GUCY1A2: variants seen among roughly 807,000 people sequenced by gnomAD.
GUCY1A2 encodes the protein guanylate cyclase 1 soluble subunit alpha 2.
Under a neutral mutation model 63.5 loss-of-function variants are expected in GUCY1A2, and 27 were observed. The observed-to-expected ratio is 0.43, with a 90% CI of 0.31 to 0.59. GUCY1A2 has a LOEUF of 0.59. Ranked by LOEUF, GUCY1A2 falls within the 20% of genes least tolerant of loss-of-function variation. GUCY1A2 has a pLI of 0.11. For synonymous variants in GUCY1A2, 364 were observed against 343.5 expected (o/e 1.06, Z -0.66); for missense variants, 768 against 913.3 (o/e 0.84, Z 2.05).
chr11:106,911,930 A>G (rs931285223), intron 4 of GUCY1A2, among the ~76,000 whole-genome samples: 8 of 152,042 alleles, frequency 5.3e-5, no homozygotes, highest in Non-Finnish European at 1.0e-4. Context: ...AATCACTTGC[A>G]TCCAATTGTT....
intron 5 of GUCY1A2, among the ~76,000 whole-genome samples, chr11:106,793,743 T>C (rs760695213): frequency 1.1e-4 from 16 of 152,046 alleles, no homozygotes; most frequent in Non-Finnish European, 2.2e-4. Flanking sequence ...CCAAGAGGTA[T>C]ATGAAACAGC....
chr11:106,984,723 G>A (rs976530160), intron 2 of GUCY1A2, among the ~76,000 whole-genome samples: 2 of 152,168 alleles, frequency 1.3e-5, no homozygotes, highest in Admixed American at 1.3e-4. Context: ...ACTATTTTAA[G>A]TATACTAACT....
intron 2 of GUCY1A2, among the ~76,000 whole-genome samples, chr11:106,982,805 T>C (rs1240779936): frequency 2.0e-5 from 3 of 151,300 alleles, no homozygotes; most frequent in Admixed American, 6.6e-5. Flanking sequence ...AAAAGGAAAG[T>C]GGAAAGGGAT....
intron 6 of GUCY1A2, among the ~76,000 whole-genome samples, chr11:106,714,086 T>C (rs1420623481): frequency 6.6e-6 from 1 of 152,082 alleles, no homozygotes; most frequent in Non-Finnish European, 1.5e-5. Context: ...CTAGTTCTAT[T>C]TCTGCCTCCT....
chr11:106,839,394 C>T (rs993815078), intron 4 of GUCY1A2, among the ~76,000 whole-genome samples: 1 of 151,844 alleles, frequency 6.6e-6, no homozygotes, highest in African/African-American at 2.4e-5. Flanking sequence ...AATAGGAACA[C>T]TTTTACACTG....
intron 3 of GUCY1A2, among the ~76,000 whole-genome samples, chr11:106,949,665 C>T (rs1460555478): frequency 6.6e-6 from 1 of 152,048 alleles, no homozygotes. Flanking sequence ...GTGTCCAATC[C>T]CTCAACCAGA....
intron 4 of GUCY1A2, among the ~76,000 whole-genome samples, chr11:106,872,472 G>C (rs1389859454): frequency 6.6e-6 from 1 of 152,092 alleles, no homozygotes; most frequent in Non-Finnish European, 1.5e-5. Context: ...TAAATAGTTT[G>C]AATGACTGGA....
intron 3 of GUCY1A2, among the ~76,000 whole-genome samples, chr11:106,967,219 G>A (rs189856793): frequency 1.7e-4 from 26 of 152,264 alleles, no homozygotes; most frequent in Non-Finnish European, 3.1e-4. Flanking sequence ...ATCCTAAAAT[G>A]ACTCTGCTTT....
rs558514622 is a variant in GUCY1A2, at chr11:106,907,279, T to C, written c.1206+32181A>G. On this transcript the variant is annotated intron_variant, in intron 4 of 7. Transcript: ENST00000526355. ...TGCCATAGTTGTGCCTGAATCCTTT[T>C]TTTGCTTACTCCCAAATACATTCAT... is the stretch of plus-strand genomic sequence containing the variant. 1.1e-4 allele frequency among the ~76,000 whole-genome samples: 17 copies of C among 152,168 alleles called. No homozygotes were observed. In the East Asian group the frequency reaches 2.1e-3, roughly 19 times the overall value.
chr11:106,934,491 T>C (rs189827451), intron 4 of GUCY1A2, among the ~76,000 whole-genome samples: 2 of 152,316 alleles, frequency 1.3e-5, no homozygotes, highest in Admixed American at 6.5e-5. Flanking sequence ...TAATAAATAC[T>C]TAAAAACTTT....
At chr11:106,888,138 A>T (rs1859923468) in intron 4 of GUCY1A2, among the ~76,000 whole-genome samples, 1 of 152,082 alleles carries the variant, frequency 6.6e-6, no homozygotes, top group African/African-American at 2.4e-5. Context: ...TTGTCTAAAA[A>T]AGTATTTTAA....
chr11:106,865,897 T>G (rs1859585648), intron 4 of GUCY1A2, among the ~76,000 whole-genome samples: 1 of 151,462 alleles, frequency 6.6e-6, no homozygotes, highest in African/African-American at 2.4e-5. Flanking sequence ...ATAATTTATA[T>G]ATAATTATAT....
intron 1 of GUCY1A2, among the ~76,000 whole-genome samples, chr11:106,995,268 A>C (rs916861418): frequency 1.3e-5 from 2 of 152,196 alleles, no homozygotes; most frequent in African/African-American, 2.4e-5. Context: ...TTTGATGTTC[A>C]AAATAATCTT....
At chr11:106,800,962 A>T (rs1864866434) in intron 5 of GUCY1A2, among the ~76,000 whole-genome samples, 1 of 151,982 alleles carries the variant, frequency 6.6e-6, no homozygotes, top group Non-Finnish European at 1.5e-5. Context: ...AGGTTGTGGC[A>T]TATCACTCCT....
In GUCY1A2 at chr11:106,896,017, A is replaced by AT. The variant is rs1371185551; in HGVS notation, c.1206+43442_1206+43443insA. Among the ~76,000 whole-genome samples, 287 of 149,360 alleles carry AT rather than the reference A, an allele frequency of 1.9e-3. 1 individual carries two copies. Among genetic ancestry groups the AT allele is most frequent in the Middle Eastern group, 7.2e-3 (2 of 278 alleles). On this transcript the variant is annotated intron_variant, in intron 4 of 7. Transcript: ENST00000526355. ...GAGCAAGACTCTGTCTCAAAAAAAA[A>AT]AAAAATATATATATATAGTATACAT...
intron 4 of GUCY1A2, among the ~76,000 whole-genome samples, chr11:106,913,737 C>G (rs1166208817): frequency 2.0e-5 from 3 of 152,048 alleles, no homozygotes; most frequent in Non-Finnish European, 4.4e-5. Flanking sequence ...AATTTATAAG[C>G]ATGACTTGCT....
chr11:106,884,846 C>G (rs969700918), intron 4 of GUCY1A2, among the ~76,000 whole-genome samples: 12 of 152,112 alleles, frequency 7.9e-5, no homozygotes, highest in African/African-American at 2.9e-4. Context: ...AAGTTTCATT[C>G]TGGCCCAAAT....
At chr11:106,833,451 A>G (rs1309050216) in intron 4 of GUCY1A2, among the ~76,000 whole-genome samples, 1 of 152,026 alleles carries the variant, frequency 6.6e-6, no homozygotes, top group Non-Finnish European at 1.5e-5. Context: ...GAATCCATAT[A>G]CCCATCTAAT....
At chr11:106,738,473 A>G (rs1016475432) in intron 6 of GUCY1A2, among the ~76,000 whole-genome samples, 4 of 152,158 alleles carry the variant, frequency 2.6e-5, no homozygotes, top group African/African-American at 7.2e-5. Context: ...GCCCATGCCT[A>G]TGTCCTGAAG....
Sources: gnomAD v4.1 joint callset for allele counts (sites outside exome capture counted in the v4.1 genomes callset) on GRCh38, gnomAD v4.1.1 for gene constraint, MANE v1.5 for transcripts, NCBI Gene and HGNC (gene_info 2026-07-23, HGNC 2026-07-21) for gene names.